Variants in COMMD10 observed in about 807,000 individuals in gnomAD.
COMMD10 encodes COMM domain containing 10.
In COMMD10, 33 loss-of-function variants were observed where a neutral mutation model predicts 28.9. The ratio of observed to expected loss-of-function variants is 1.14; its 90% CI spans 0.87 to 1.53. COMMD10 has a LOEUF of 1.53. Among genes scored for constraint, COMMD10 ranks in the 40% most tolerant of loss-of-function variants. The pLI is 0.00. For missense variants in COMMD10, 310 were observed against 233.4 expected (o/e 1.33, Z -2.14); for synonymous variants, 110 against 81.7 (o/e 1.35, Z -1.87).
At chr5:116,185,693 C>A (rs914201607) in intron 5 of COMMD10, among the ~76,000 whole-genome samples, 2 of 152,096 alleles carry the variant, frequency 1.3e-5, no homozygotes, top group Admixed American at 6.6e-5. Context: ...TTAGCTCTTG[C>A]GTTGAACTCT....
chr5:116,115,357 A>T (rs550994364), intron 4 of COMMD10, among the ~76,000 whole-genome samples: 1 of 152,134 alleles, frequency 6.6e-6, no homozygotes, highest in Non-Finnish European at 1.5e-5. Flanking sequence ...TGCCCTGTCC[A>T]CATTAGCTGT....
At chr5:116,233,482 T>A (rs1481624790) in intron 5 of COMMD10, among the ~76,000 whole-genome samples, 1 of 152,164 alleles carries the variant, frequency 6.6e-6, no homozygotes, top group African/African-American at 2.4e-5. Flanking sequence ...TTGTGAAGTC[T>A]GTATTCTAGT....
At chr5:116,131,128 T>C (rs1252725121) in intron 4 of COMMD10, among the ~76,000 whole-genome samples, 1 of 151,940 alleles carries the variant, frequency 6.6e-6, no homozygotes, top group Non-Finnish European at 1.5e-5. Flanking sequence ...TTTGACAATG[T>C]ATCATTTAAC....
chr5:116,129,132 T>C (rs1751766444), intron 4 of COMMD10, among the ~76,000 whole-genome samples: 1 of 151,756 alleles, frequency 6.6e-6, no homozygotes, highest in African/African-American at 2.4e-5. Context: ...TGATTGAACT[T>C]CTTGTAACTT....
intron 5 of COMMD10, among the ~76,000 whole-genome samples, chr5:116,290,823 C>T (rs909886734): frequency 6.6e-6 from 1 of 152,070 alleles, no homozygotes; most frequent in African/African-American, 2.4e-5. Flanking sequence ...ACAGAATCAA[C>T]CAAAAGTAGG....
chr5:116,289,128 C>T (rs1237110496), intron 5 of COMMD10, among the ~76,000 whole-genome samples: 1 of 151,610 alleles, frequency 6.6e-6, no homozygotes, highest in African/African-American at 2.4e-5. Context: ...GTGATCCACC[C>T]ACCTCAGCCT....
At chr5:116,108,189 G>A (rs1454344188) in intron 4 of COMMD10, among the ~76,000 whole-genome samples, 1 of 152,226 alleles carries the variant, frequency 6.6e-6, no homozygotes, top group Non-Finnish European at 1.5e-5. Flanking sequence ...CACTGGATCA[G>A]AGCTTGAATG....
At chr5:116,146,214 T>C (rs991790384) in intron 5 of COMMD10, among the ~76,000 whole-genome samples, 3 of 151,862 alleles carry the variant, frequency 2.0e-5, no homozygotes, top group African/African-American at 4.8e-5. Flanking sequence ...TATGAAGATT[T>C]ATTCTGTATC....
chr5:116,159,455 C>T (rs185499300), intron 5 of COMMD10, among the ~76,000 whole-genome samples: 2 of 152,278 alleles, frequency 1.3e-5, no homozygotes, highest in Admixed American at 6.5e-5. Flanking sequence ...CCTGAACATA[C>T]ATTGCAAATA....
At position 116,190,403 on chromosome 5, in the gene COMMD10, G is replaced by A. The variant is rs189160161; in HGVS notation, c.510+56225G>A. Among the ~76,000 whole-genome samples the A allele has an allele frequency of 6.3e-4, 96 of 152,256 alleles. No individual in the cohort carries two copies. The East Asian group carries it at 0.014, about 23-fold the overall frequency. ...AATTCTACTTACATACAAAATAATT[G>A]TATGTGCATTTAAATGCAACTAAGT... On this transcript the variant is annotated intron_variant, in intron 5 of 6. Transcript: ENST00000274458.
At chr5:116,256,804 A>G (rs746541227) in intron 5 of COMMD10, among the ~76,000 whole-genome samples, 1 of 151,796 alleles carries the variant, frequency 6.6e-6, no homozygotes, top group Non-Finnish European at 1.5e-5. Flanking sequence ...GTTTGCATAC[A>G]TTGAATCATC....
chr5:116,169,531 A>C (rs1753247707), intron 5 of COMMD10, among the ~76,000 whole-genome samples: 1 of 152,182 alleles, frequency 6.6e-6, no homozygotes, highest in Non-Finnish European at 1.5e-5. Context: ...GCAGAGACAC[A>C]ACAAAAAAAG....
chr5:116,161,658 A>G (rs1752922097), intron 5 of COMMD10, among the ~76,000 whole-genome samples: 2 of 152,218 alleles, frequency 1.3e-5, no homozygotes, highest in East Asian at 1.9e-4. Context: ...ATCATAAGGA[A>G]GAGAAAATAT....
chr5:116,169,056 C>G (rs1237848441), intron 5 of COMMD10, among the ~76,000 whole-genome samples: 1 of 152,034 alleles, frequency 6.6e-6, no homozygotes, highest in East Asian at 1.9e-4. Context: ...ATCAATGAAT[C>G]CAGGAGCTGT....
At chr5:116,138,128 T>G (rs1580479609) in intron 5 of COMMD10, among the ~76,000 whole-genome samples, 1 of 152,024 alleles carries the variant, frequency 6.6e-6, no homozygotes, top group Non-Finnish European at 1.5e-5. Flanking sequence ...AGTTCTCTTA[T>G]TTATTTCCAT....
In COMMD10 at chr5:116,174,865, T is replaced by A. The variant is rs113036704; in HGVS notation, c.510+40687T>A. On this transcript the variant is annotated intron_variant, in intron 5 of 6. Transcript: ENST00000274458. The stretch of plus-strand genomic sequence containing the variant: ...AATGTGTCCTATTTTAACTTCTCTA[T>A]AAAGAAATGGTCAGTTTCTAAATGT... 2.0e-3 allele frequency among the ~76,000 whole-genome samples: 302 copies of A among 152,312 alleles called. 3 individuals carry two copies. The highest frequency in any genetic ancestry group is 6.8e-3 in the African/African-American group (284 of 41,590).
At chr5:116,123,852 T>C (rs1751524400) in intron 4 of COMMD10, among the ~76,000 whole-genome samples, 1 of 152,190 alleles carries the variant, frequency 6.6e-6, no homozygotes, top group Admixed American at 6.5e-5. Context: ...CTAGTTTATT[T>C]GCATAGAGGT....
At chr5:116,221,357 A>G (rs1749250893) in intron 5 of COMMD10, among the ~76,000 whole-genome samples, 2 of 152,058 alleles carry the variant, frequency 1.3e-5, no homozygotes, top group African/African-American at 4.8e-5. Context: ...CTCCTTTCTC[A>G]GCCACCCTGT....
chr5:116,121,133 G>GC (rs1282463167), intron 4 of COMMD10, among the ~76,000 whole-genome samples: 9 of 151,102 alleles, frequency 6.0e-5, no homozygotes, highest in African/African-American at 1.7e-4. Context: ...CCTTCCCCCT[G>GC]CCCCCCACCA....
Sources: allele counts gnomAD v4.1 joint callset (sites outside exome capture counted in the v4.1 genomes callset), GRCh38; gene constraint gnomAD v4.1.1; transcripts MANE v1.5; gene names NCBI Gene and HGNC (gene_info 2026-07-23, HGNC 2026-07-21).